Variants in CADM1 observed in about 807,000 individuals in gnomAD.
CADM1 encodes the protein TSLC-1.
CADM1 carries 15 observed loss-of-function variants against 53.1 expected under a neutral mutation model. The observed-to-expected ratio is 0.28, with a 90% CI of 0.19 to 0.44. CADM1 has a LOEUF of 0.44. CADM1 is among the 20% of genes least tolerant of loss of function. The pLI is 1.00. For synonymous variants in CADM1, 281 were observed against 243.0 expected (o/e 1.16, Z -1.45); for missense variants, 434 against 611.3 (o/e 0.71, Z 3.06).
intron 7 of CADM1, among the ~76,000 whole-genome samples, chr11:115,210,010 G>A (rs147574712): frequency 7.9e-5 from 12 of 152,278 alleles, no homozygotes; most frequent in East Asian, 3.9e-4. Flanking sequence ...TTGTCATTTC[G>A]TTTCAGCTTT....
intron 1 of CADM1, among the ~76,000 whole-genome samples, chr11:115,411,366 C>A (rs2135245872): frequency 6.6e-6 from 1 of 152,312 alleles, no homozygotes; most frequent in Admixed American, 6.5e-5. Context: ...GTGCAGTACC[C>A]TACACACATC....
At chr11:115,305,920 A>G (rs1420043143) in intron 1 of CADM1, among the ~76,000 whole-genome samples, 1 of 150,870 alleles carries the variant, frequency 6.6e-6, no homozygotes, top group Non-Finnish European at 1.5e-5. Context: ...AAAAAAAAAA[A>G]AGAATATGCC....
At chr11:115,484,808 G>A (rs1424570226) in intron 1 of CADM1, among the ~76,000 whole-genome samples, 6 of 152,078 alleles carry the variant, frequency 3.9e-5, no homozygotes, top group South Asian at 2.1e-4. Flanking sequence ...TTAGCCGGGC[G>A]TGGTGGCGGG....
chr11:115,195,712 T>C (rs367776130), intron 9 of CADM1, among the ~76,000 whole-genome samples: 2 of 152,238 alleles, frequency 1.3e-5, no homozygotes, highest in African/African-American at 4.8e-5. Flanking sequence ...AGATGTTGCT[T>C]TGTAATTTCC....
At chr11:115,457,560 G>C (rs1292073064) in intron 1 of CADM1, among the ~76,000 whole-genome samples, 2 of 152,086 alleles carry the variant, frequency 1.3e-5, no homozygotes, top group African/African-American at 4.8e-5. Context: ...CTTTTGTCTT[G>C]CCAGCAAATC....
chr11:115,391,574 G>A (rs1287817867), intron 1 of CADM1, among the ~76,000 whole-genome samples: 1 of 152,174 alleles, frequency 6.6e-6, no homozygotes, highest in Non-Finnish European at 1.5e-5. Flanking sequence ...GATGCGGGAG[G>A]GAGAGAGGAA....
intron 1 of CADM1, among the ~76,000 whole-genome samples, chr11:115,305,900 CA>C (rs35517673): frequency 0.41 from 32,734 of 79,906 alleles, 3,073 homozygotes; most frequent in East Asian, 0.59. Flanking sequence ...GACTCCATCT[CA>C]AAAAAAAAAA....
intron 5 of CADM1, among the ~76,000 whole-genome samples, chr11:115,223,094 G>C (rs1446649751): frequency 2.0e-5 from 3 of 152,148 alleles, no homozygotes; most frequent in African/African-American, 7.2e-5. Flanking sequence ...AGAAAGTGAA[G>C]AAACATTGGG....
intron 1 of CADM1, among the ~76,000 whole-genome samples, chr11:115,379,671 T>C (rs1370772183): frequency 6.6e-6 from 1 of 152,188 alleles, no homozygotes; most frequent in African/African-American, 2.4e-5. Context: ...GAAGACATGT[T>C]AAATTATTTA....
chr11:115,196,976 T>C (rs1305451825), intron 9 of CADM1, among the ~76,000 whole-genome samples: 1 of 152,178 alleles, frequency 6.6e-6, no homozygotes, highest in African/African-American at 2.4e-5. Flanking sequence ...AGTGGAAGTT[T>C]TATACCTAAT....
In CADM1 at chr11:115,169,506, A is replaced by G. The variant is rs1490446020; in HGVS notation, c.*6968T>C. 2.3e-6 allele frequency: 1 copy of G among 442,668 alleles called. No individual in the cohort carries two copies. The highest frequency in any genetic ancestry group is 2.0e-5 in the African/African-American group (1 of 49,456). The allele number at this position is 442,668 out of a possible 1,614,324, so 27.4% of individuals were successfully genotyped here. On this transcript the variant is annotated 3_prime_UTR_variant, in exon 12 of 12. Coordinates refer to ENST00000331581, the MANE Select transcript of CADM1 (RefSeq NM_001301043.2). ...GCAAAAAACCCAAGTAGGACATTTC[A>G]GTTGACAGTAATGGCATTTTCCCTT... is the stretch of plus-strand genomic sequence containing the variant.
chr11:115,295,518 A>ATT (rs1450548922), intron 1 of CADM1, among the ~76,000 whole-genome samples: 2 of 65,574 alleles, frequency 3.0e-5, no homozygotes, highest in African/African-American at 1.2e-4. Context: ...ATATATATAT[A>ATT]TATATATATA....
In CADM1 at chr11:115,214,732, G is replaced by A. The variant is rs746902980; in HGVS notation, c.870C>T (p.His290=). ...WVRVDDEMPQ[H]AVLSGPNLFI... ...ACAGGTTGGGCCCAGACAGTACGGC[G>A]TGTTGAGGCATTTCATCATCGACTC... The change falls in exon 7 of 12, where the codon CAC becomes CAT. Residue 290 remains histidine (H), a synonymous_variant. Coordinates refer to ENST00000331581, the MANE Select transcript of CADM1 (RefSeq NM_001301043.2). The A allele has an allele frequency of 6.8e-6, 11 of 1,613,872 alleles. No homozygotes were observed. The highest frequency in any genetic ancestry group is 3.3e-5 in the Admixed American group (2 of 59,998).
chr11:115,193,485 G>A (rs953822044), intron 9 of CADM1, among the ~76,000 whole-genome samples: 1 of 152,112 alleles, frequency 6.6e-6, no homozygotes, highest in Admixed American at 6.5e-5. Flanking sequence ...GTGCTACAAT[G>A]TGCTATAACA....
intron 1 of CADM1, among the ~76,000 whole-genome samples, chr11:115,371,449 G>C (rs1203159139): frequency 1.3e-5 from 2 of 151,648 alleles, no homozygotes; most frequent in Non-Finnish European, 2.9e-5. Context: ...AACCAACAGA[G>C]GAGATAAACT....
rs181961634 is a variant in CADM1, at chr11:115,423,992, C to T, written c.124+80279G>A. On this transcript the variant is annotated intron_variant, in intron 1 of 11. Coordinates refer to ENST00000331581, the MANE Select transcript of CADM1 (RefSeq NM_001301043.2). The stretch of plus-strand genomic sequence containing the variant: ...CATCGTTTCCATCTTGTTTGCTCTG[C>T]CTCATAGCACTTCAAACTCCCTGTT... Among the ~76,000 whole-genome samples the T allele has an allele frequency of 2.3e-3, 351 of 152,266 alleles. 2 individuals are homozygous for T. The highest frequency in any genetic ancestry group is 5.8e-3 in the Admixed American group (89 of 15,282).
chr11:115,468,040 G>A (rs922005559), intron 1 of CADM1, among the ~76,000 whole-genome samples: 6 of 152,132 alleles, frequency 3.9e-5, no homozygotes, highest in Admixed American at 1.3e-4. Flanking sequence ...CTCAGCTTAC[G>A]GTTTGCATAT....
At chr11:115,191,814 G>A (rs1939886682) in intron 9 of CADM1, among the ~76,000 whole-genome samples, 1 of 152,186 alleles carries the variant, frequency 6.6e-6, no homozygotes, top group African/African-American at 2.4e-5. Flanking sequence ...GTTCTTTGCT[G>A]TTCTGCTCAA....
chr11:115,362,622 AT>A (rs1161774854), intron 1 of CADM1, among the ~76,000 whole-genome samples: 3 of 152,198 alleles, frequency 2.0e-5, no homozygotes, highest in Non-Finnish European at 4.4e-5. Context: ...TTTTTTTAGT[AT>A]CTCTATTATA....
Sources: gnomAD v4.1 joint callset for allele counts (sites outside exome capture counted in the v4.1 genomes callset) on GRCh38, gnomAD v4.1.1 for gene constraint, MANE v1.5 for transcripts, NCBI Gene and HGNC (gene_info 2026-07-23, HGNC 2026-07-21) for gene names.